PDLIM7: variants seen among roughly 807,000 people sequenced by gnomAD.
PDLIM7 encodes the protein PDZ and LIM domain protein 7.
A neutral mutation model predicts 53.9 loss-of-function variants in PDLIM7; 37 were observed. The ratio of observed to expected loss-of-function variants is 0.69; its 90% CI spans 0.53 to 0.90. PDLIM7 has a LOEUF of 0.90. PDLIM7 is among the 40% of genes least tolerant of loss of function. The pLI is 0.00. For missense variants in PDLIM7, 617 were observed against 638.5 expected (o/e 0.97, Z 0.36); for synonymous variants, 300 against 261.3 (o/e 1.15, Z -1.43).
chr5:177,486,690 G>T (rs1758464120), intron 10 of PDLIM7, among the ~76,000 whole-genome samples: 1 of 152,166 alleles, frequency 6.6e-6, no homozygotes, highest in South Asian at 2.1e-4. Context: ...CCAGGCTGGA[G>T]TGCAGTGGCG....
At position 177,491,125 on chromosome 5, in the gene PDLIM7, G is replaced by C. The variant is rs1209032492; in HGVS notation, c.420C>G (p.Val140=). The C allele has an allele frequency of 1.9e-6, 3 of 1,609,438 alleles. No homozygotes were observed. The South Asian group carries it at 3.3e-5, about 18-fold the overall frequency. The change falls in exon 6 of 13, where the codon GTC becomes GTG. Residue 140 remains valine, a synonymous_variant. Coordinates refer to ENST00000355841, the MANE Select transcript of PDLIM7 (RefSeq NM_005451.5). Reference sequence around the variant, plus strand: ...TCAGCCGCTGCTTGCTGGCATCTGGGACCAGCGGTCGGAGCGGCTGTCTGT... The same window carrying C: ...TCAGCCGCTGCTTGCTGGCATCTGGCACCAGCGGTCGGAGCGGCTGTCTGT... ...QQNGQPLRPL[V]PDASKQRLME...
Position 177,483,720 on chromosome 5 carries a change from A to C in PDLIM7, c.1298T>G (p.Ile433Ser). ...DTCFVCAICQ[I>S]NLEGKTFYSK... ...GTAGAAGGTCTTTCCTTCCAGGTTG[A>C]TCTGACATATCTAAGGACAGCAAAG... The change falls in exon 13 of 13, where the codon ATC (isoleucine) becomes AGC (serine). Residue 433 changes from isoleucine to serine, a missense_variant. Transcript: ENST00000355841. 1 of 1,612,742 alleles carries C rather than the reference A, an allele frequency of 6.2e-7. No homozygotes were observed. Among genetic ancestry groups the C allele is most frequent in the African/African-American group, 1.3e-5 (1 of 75,000 alleles).
chr5:177,489,054 G>A (rs577818193), intron 9 of PDLIM7, among the ~76,000 whole-genome samples: 1 of 147,292 alleles, frequency 6.8e-6, no homozygotes, highest in East Asian at 1.9e-4. Context: ...TCTGAGAGCA[G>A]AGGGAGACAG....
intron 10 of PDLIM7, among the ~76,000 whole-genome samples, chr5:177,485,646 G>T (rs1758401868): frequency 6.6e-6 from 1 of 152,204 alleles, no homozygotes; most frequent in Non-Finnish European, 1.5e-5. Flanking sequence ...AGTACTACTG[G>T]TTCATTCAGG....
At chr5:177,491,267 G>A in intron 5 of PDLIM7, 121 bp from the exon 6 acceptor site, 3 of 1,433,464 alleles carry the variant, frequency 2.1e-6, no homozygotes, top group East Asian at 2.4e-5. Context: ...TAAGGGTGAG[G>A]CCAGGAGCCC....
chr5:177,489,791 G>T lies in PDLIM7; in HGVS notation c.614C>A (p.Thr205Lys). 6.3e-7 allele frequency: 1 copy of T among 1,580,074 alleles called. No individual in the cohort carries two copies. Among genetic ancestry groups the T allele is most frequent in the Non-Finnish European group, 8.6e-7 (1 of 1,164,882 alleles). ...CTCACCAGGCCAGGGCTCCTGGGGT[G>T]TAGATGAGGCTGGGGCTGGGGCTTC... Reference protein sequence around the residue: ...RTEAPAPASSTPQEPWPGPTA... With the variant: ...RTEAPAPASSKPQEPWPGPTA... Residue 205 changes from threonine (T) to lysine (K), a missense_variant, in exon 8 of 13, where the codon ACA becomes AAA. By Grantham distance (78) the Thr-to-Lys change is moderately conservative. Transcript: ENST00000355841.
intron 2 of PDLIM7, 166 bp from the exon 3 acceptor site, chr5:177,492,843 G>A (rs1161098088): frequency 3.0e-6 from 2 of 667,160 alleles, no homozygotes; most frequent in African/African-American, 3.6e-5. Context: ...CAACCCAGGA[G>A]GTGGTGGCGC....
intron 7 of PDLIM7, 29 bp downstream of exon 7, chr5:177,490,840 TG>T: frequency 6.2e-7 from 1 of 1,611,938 alleles, no homozygotes; most frequent in Non-Finnish European, 8.5e-7. Context: ...AGGCAGGAGG[TG>T]GGAGAGGGGC....
chr5:177,495,622 G>A (rs1304131827), intron 2 of PDLIM7, among the ~76,000 whole-genome samples: 1 of 152,220 alleles, frequency 6.6e-6, no homozygotes, highest in South Asian at 2.1e-4. Flanking sequence ...GCCAGGCCTA[G>A]GCCAGCCCTT....
chr5:177,488,249 C>T lies in PDLIM7; in HGVS notation c.870-1G>A. On this transcript the variant is annotated splice_acceptor_variant, in intron 9 of 12. Transcript: ENST00000355841. LOFTEE classifies it high-confidence loss of function. ...GCCCAGCGCCACCAGGTAGCGGCCC[C>T]TGCAGGGAGGCGAGAGCGGTCAGAG... 1.3e-6 allele frequency: 2 copies of T among 1,597,434 alleles called. No individual in the cohort carries two copies. The highest frequency in any genetic ancestry group is 1.7e-6 in the Non-Finnish European group (2 of 1,171,002).
At chr5:177,492,312 A>G in intron 4 of PDLIM7, 93 bp downstream of exon 4, 1 of 1,493,350 alleles carries the variant, frequency 6.7e-7, no homozygotes, top group South Asian at 1.2e-5. Flanking sequence ...CCGGCCAGGG[A>G]TTGGGGTACC....
At chr5:177,485,513 C>A (rs890981295) in intron 10 of PDLIM7, among the ~76,000 whole-genome samples, 1 of 152,206 alleles carries the variant, frequency 6.6e-6, no homozygotes, top group African/African-American at 2.4e-5. Flanking sequence ...GGAAGCTAAT[C>A]CCAGCCTTGT....
intron 1 of PDLIM7, chr5:177,496,757 G>A (rs1759094657): frequency 2.7e-5 from 9 of 328,210 alleles, no homozygotes; most frequent in Admixed American, 2.5e-4. Context: ...GGAACGGTGA[G>A]GGGTGCCTGA....
chr5:177,486,486 G>C (rs991291899), intron 10 of PDLIM7, among the ~76,000 whole-genome samples: 1 of 152,152 alleles, frequency 6.6e-6, no homozygotes, highest in Non-Finnish European at 1.5e-5. Context: ...GCCCATGTCT[G>C]GCTGGCTCTT....
intron 9 of PDLIM7, 61 bp from the exon 10 acceptor site, chr5:177,488,309 C>G: frequency 6.9e-7 from 1 of 1,453,548 alleles, no homozygotes; most frequent in East Asian, 2.3e-5. Context: ...TCTTGGCCCC[C>G]TTCAGGTTGA....
chr5:177,483,769 C>T, intron 12 of PDLIM7, 39 bp from the exon 13 acceptor site: 1 of 1,586,148 alleles, frequency 6.3e-7, no homozygotes. Context: ...GGGTTGGGGG[C>T]AGCAGGAGAG....
chr5:177,484,106 AG>A lies in PDLIM7; in HGVS notation c.1134del (p.Phe379SerfsTer105). The A allele has an allele frequency of 6.2e-7, 1 of 1,614,002 alleles. No individual in the cohort carries two copies. The highest frequency in any genetic ancestry group is 8.5e-7 in the Non-Finnish European group (1 of 1,179,992). On this transcript the variant is annotated frameshift_variant, in exon 11 of 13. Coordinates refer to ENST00000355841, the MANE Select transcript of PDLIM7 (RefSeq NM_005451.5). LOFTEE classifies it high-confidence loss of function. ...AACKTPIRNRAFYMEEGVPYC... is the reference protein window; with the variant it reads ...AACKTPIRNRXFYMEEGVPYC... Reference sequence around the variant, plus strand: ...TAGGGCACGCCCTCCTCCATGTAGAAGGCCCTGTTCCGGATGGGCGTCTTGC... The same window carrying A: ...TAGGGCACGCCCTCCTCCATGTAGAAGCCCTGTTCCGGATGGGCGTCTTGC...
chr5:177,484,452 G>A (rs1483206357), intron 10 of PDLIM7: 14 of 451,668 alleles, frequency 3.1e-5, no homozygotes, highest in Non-Finnish European at 4.5e-5. Context: ...TCCCCATCAC[G>A]CGGATGGCAA....
intron 12 of PDLIM7, 37 bp from the exon 13 acceptor site, chr5:177,483,767 G>C (rs753711001): frequency 2.5e-6 from 4 of 1,588,104 alleles, no homozygotes; most frequent in Non-Finnish European, 3.5e-6. Flanking sequence ...TGGGGTTGGG[G>C]GCAGCAGGAG....
Sources: gnomAD v4.1 joint callset for allele counts (sites outside exome capture counted in the v4.1 genomes callset) on GRCh38, gnomAD v4.1.1 for gene constraint, MANE v1.5 for transcripts, NCBI Gene and HGNC (gene_info 2026-07-23, HGNC 2026-07-21) for gene names.